SMYD3: variants seen among roughly 807,000 people sequenced by gnomAD.
SMYD3 encodes the protein histone-lysine N-methyltransferase SMYD3.
SMYD3 carries 36 observed loss-of-function variants against 57.7 expected under a neutral mutation model. That is an observed-to-expected ratio of 0.62 (90% CI 0.48 to 0.82). The LOEUF is 0.82. SMYD3 is among the 40% of genes least tolerant of loss of function. SMYD3 has a pLI of 0.00. For synonymous variants in SMYD3, 211 were observed against 195.0 expected, an observed-to-expected ratio of 1.08 and a Z score of -0.68; for missense variants, 515 against 538.8, an observed-to-expected ratio of 0.96 and a Z score of 0.44.
chr1:246,493,605 A>T (rs1261293042), intron 1 of SMYD3, among the ~76,000 whole-genome samples: 1 of 152,120 alleles, frequency 6.6e-6, no homozygotes, highest in Non-Finnish European at 1.5e-5. Context: ...TGCCTAACTT[A>T]CTACTGGGAG....
At chr1:245,826,450 A>G (rs1268463216) in intron 10 of SMYD3, among the ~76,000 whole-genome samples, 1 of 151,934 alleles carries the variant, frequency 6.6e-6, no homozygotes, top group Non-Finnish European at 1.5e-5. Flanking sequence ...CCTGGGCTCA[A>G]GCGATCCTCC....
intron 5 of SMYD3, among the ~76,000 whole-genome samples, chr1:246,000,178 T>C (rs557684842): frequency 1.2e-4 from 18 of 152,290 alleles, no homozygotes; most frequent in African/African-American, 3.4e-4. Flanking sequence ...AATGGAGGCA[T>C]TGTGACTGCC....
intron 5 of SMYD3, among the ~76,000 whole-genome samples, chr1:246,110,377 G>A (rs2061212204): frequency 6.6e-6 from 1 of 152,234 alleles, no homozygotes; most frequent in Non-Finnish European, 1.5e-5. Context: ...GGCCGGAAGG[G>A]AGTGGGTAGA....
chr1:245,961,686 G>A (rs1054363948), intron 5 of SMYD3, among the ~76,000 whole-genome samples: 4 of 152,048 alleles, frequency 2.6e-5, no homozygotes, highest in African/African-American at 9.7e-5. Context: ...TAGGACAGTG[G>A]TTTTCACACA....
chr1:246,378,664 C>CATAT lies in SMYD3; in HGVS notation c.165-23574_165-23571dup, dbSNP rs1258810712. On this transcript the variant is annotated intron_variant, in intron 1 of 11. Transcript: ENST00000490107. Reference sequence around the variant, plus strand: ...TCATATATATATATATACACACACACATATATATATACACATATATATACT... The same window carrying CATAT: ...TCATATATATATATATACACACACACATATATATATATATACACATATATATACT... Among the ~76,000 whole-genome samples the CATAT allele has an allele frequency of 2.4e-5, 3 of 124,152 alleles. No homozygotes were observed. The South Asian group carries it at 7.1e-4, about 29-fold the overall frequency. 81.4% of individuals were successfully genotyped at this position (124,152 alleles called of 152,430 possible). A position where few individuals can be genotyped will look rare whatever the true frequency, so the allele number is the denominator to read the frequency against.
chr1:245,821,377 C>T (rs1216388145), intron 10 of SMYD3, among the ~76,000 whole-genome samples: 2 of 82,108 alleles, frequency 2.4e-5, no homozygotes, highest in East Asian at 5.9e-4. Flanking sequence ...CTTTCTTACA[C>T]CTTATAGAAA....
At position 245,963,983 on chromosome 1, in the gene SMYD3, T is replaced by C. The variant is rs545432835; in HGVS notation, c.532-34046A>G. On this transcript the variant is annotated intron_variant, in intron 5 of 11. Coordinates refer to ENST00000490107, the MANE Select transcript of SMYD3 (RefSeq NM_001167740.2). ...GCATTTGCTATAAAGACGTAACCAA[T>C]GCTGGCTAATTTTCAAAGAAAAGAG... Among the ~76,000 whole-genome samples the C allele has an allele frequency of 5.9e-5, 9 of 152,354 alleles. No individual in the cohort carries two copies. In the South Asian group the frequency reaches 1.5e-3, roughly 25 times the overall value.
rs541768924 is a variant in SMYD3 at position 245,870,750 on chromosome 1, G to T, written c.814-6864C>A. Among the ~76,000 whole-genome samples the T allele has an allele frequency of 7.3e-4, 111 of 152,310 alleles. 1 individual carries two copies. Among genetic ancestry groups the T allele is most frequent in the African/African-American group, 2.2e-3 (93 of 41,568 alleles). Reference sequence around the variant, plus strand: ...TAGTCACTGTGAATTACAAAGCTACGTTTCTTCCATAGGGAAAGTTTGGAG... The same window carrying T: ...TAGTCACTGTGAATTACAAAGCTACTTTTCTTCCATAGGGAAAGTTTGGAG... On this transcript the variant is annotated intron_variant, in intron 8 of 11. Coordinates refer to ENST00000490107, the MANE Select transcript of SMYD3 (RefSeq NM_001167740.2).
intron 1 of SMYD3, among the ~76,000 whole-genome samples, chr1:246,408,823 C>G (rs543950763): frequency 1.3e-5 from 2 of 152,142 alleles, no homozygotes; most frequent in African/African-American, 4.8e-5. Flanking sequence ...GTGCCTGCCA[C>G]CACACCTGGC....
chr1:245,833,855 T>C (rs562613719), intron 10 of SMYD3, among the ~76,000 whole-genome samples: 6 of 152,370 alleles, frequency 3.9e-5, no homozygotes, highest in South Asian at 4.1e-4. Context: ...CTCACCCGCA[T>C]GAATCTTGCA....
At chr1:246,436,220 G>GA (rs1165264080) in intron 1 of SMYD3, among the ~76,000 whole-genome samples, 1 of 145,258 alleles carries the variant, frequency 6.9e-6, no homozygotes, top group East Asian at 2.0e-4. Context: ...AACAATAGAA[G>GA]AAAGTTGAAA....
chr1:245,788,689 T>C (rs2047147222), intron 10 of SMYD3, among the ~76,000 whole-genome samples: 1 of 152,218 alleles, frequency 6.6e-6, no homozygotes, highest in African/African-American at 2.4e-5. Context: ...GCCTAGTGGC[T>C]GGATTCCTGA....
intron 5 of SMYD3, among the ~76,000 whole-genome samples, chr1:246,087,315 T>A (rs1302325292): frequency 6.6e-6 from 1 of 152,232 alleles, no homozygotes; most frequent in Non-Finnish European, 1.5e-5. Flanking sequence ...CTTTCTTCCC[T>A]ACTAGACATA....
At chr1:245,750,718 TG>T (rs1168624472) in intron 11 of SMYD3, among the ~76,000 whole-genome samples, 6 of 3,828 alleles carry the variant, frequency 1.6e-3, no homozygotes, top group Admixed American at 8.0e-3. Flanking sequence ...CCTGCCCAAA[TG>T]GGGGGGTGGG....
chr1:246,206,068 T>C (rs528836786), intron 5 of SMYD3, among the ~76,000 whole-genome samples: 3 of 152,236 alleles, frequency 2.0e-5, no homozygotes, highest in African/African-American at 7.2e-5. Context: ...GGATCGGGCT[T>C]TCTATAGAAA....
At chr1:246,046,712 T>C (rs1383513034) in intron 5 of SMYD3, among the ~76,000 whole-genome samples, 1 of 149,522 alleles carries the variant, frequency 6.7e-6, no homozygotes, top group African/African-American at 2.4e-5. Context: ...TATATACATA[T>C]ATGTAGCAGG....
At chr1:245,992,302 C>T (rs1318279869) in intron 5 of SMYD3, among the ~76,000 whole-genome samples, 3 of 151,422 alleles carry the variant, frequency 2.0e-5, no homozygotes, top group Admixed American at 1.3e-4. Context: ...AACGGCCTGC[C>T]GTCATTTCTA....
chr1:246,047,426 T>C (rs937382149), intron 5 of SMYD3, among the ~76,000 whole-genome samples: 2 of 152,192 alleles, frequency 1.3e-5, no homozygotes, highest in Non-Finnish European at 2.9e-5. Flanking sequence ...ACCATTTGTA[T>C]AATAAAAAGG....
chr1:246,323,262 T>C (rs1342899489), intron 5 of SMYD3, among the ~76,000 whole-genome samples: 1 of 152,202 alleles, frequency 6.6e-6, no homozygotes, highest in Non-Finnish European at 1.5e-5. Flanking sequence ...TATTAGGGTG[T>C]GTGTGTATTA....
Sources: gnomAD v4.1 joint callset for allele counts (sites outside exome capture counted in the v4.1 genomes callset) on GRCh38, gnomAD v4.1.1 for gene constraint, MANE v1.5 for transcripts, NCBI Gene and HGNC (gene_info 2026-07-23, HGNC 2026-07-21) for gene names.